Variants in WWOX observed in about 807,000 individuals in gnomAD.
WWOX encodes WW domain-containing oxidoreductase.
In WWOX, 69 loss-of-function variants were observed where a neutral mutation model predicts 46.2. The observed-to-expected ratio is 1.49, with a 90% CI of 1.23 to 1.82. The LOEUF (loss-of-function observed/expected upper bound fraction) is 1.82. Ranked by LOEUF, WWOX falls within the 40% of genes most tolerant of loss-of-function variation. WWOX has a pLI of 0.00. For synonymous variants in WWOX, 359 were observed against 202.6 expected (o/e 1.77, Z -6.56); for missense variants, 919 against 542.6 (o/e 1.69, Z -6.89).
At chr16:78,347,509 C>T (rs949266129) in intron 5 of WWOX, among the ~76,000 whole-genome samples, 1 of 117,980 alleles carries the variant, frequency 8.5e-6, no homozygotes, top group Admixed American at 8.4e-5. Flanking sequence ...CTCCTCGACA[C>T]CCACACCTCT....
chr16:78,762,739 A>G (rs984973342), intron 8 of WWOX, among the ~76,000 whole-genome samples: 3 of 152,164 alleles, frequency 2.0e-5, no homozygotes, highest in Non-Finnish European at 4.4e-5. Flanking sequence ...TCAAGTCCAA[A>G]TTCTACTACA....
At chr16:78,861,410 G>A (rs1003711365) in intron 8 of WWOX, among the ~76,000 whole-genome samples, 60 of 152,292 alleles carry the variant, frequency 3.9e-4, no homozygotes, top group African/African-American at 1.3e-3. Flanking sequence ...TTGACAGAGA[G>A]TATAATTAAA....
chr16:79,126,739 C>T (rs941838422), intron 8 of WWOX, among the ~76,000 whole-genome samples: 1 of 152,086 alleles, frequency 6.6e-6, no homozygotes, highest in Non-Finnish European at 1.5e-5. Flanking sequence ...CAGTGGTGGA[C>T]CCTGAAGGTT....
intron 8 of WWOX, among the ~76,000 whole-genome samples, chr16:78,590,166 T>TCTCTCTCTCTCTC (rs879699302): frequency 2.5e-5 from 1 of 39,310 alleles, no homozygotes; most frequent in African/African-American, 9.3e-5. Flanking sequence ...CTCTCTCTGT[T>TCTCTCTCTCTCTC]TATTATAGAT....
chr16:78,135,124 A>T (rs1261997071), intron 4 of WWOX, among the ~76,000 whole-genome samples: 4 of 152,230 alleles, frequency 2.6e-5, no homozygotes, highest in Non-Finnish European at 4.4e-5. Context: ...TTGCTGAGAA[A>T]TAGAGGATGC....
chr16:78,641,629 C>T (rs1024496909), intron 8 of WWOX, among the ~76,000 whole-genome samples: 6 of 152,048 alleles, frequency 3.9e-5, no homozygotes, highest in East Asian at 1.9e-4. Context: ...TGCAGATGCC[C>T]GGCTCGTGGT....
At chr16:78,629,825 A>C (rs1208181077) in intron 8 of WWOX, among the ~76,000 whole-genome samples, 1 of 152,206 alleles carries the variant, frequency 6.6e-6, no homozygotes, top group African/African-American at 2.4e-5. Context: ...GATTTTTAGA[A>C]ATAGAAAAAA....
At chr16:78,510,181 C>G (rs943892060) in intron 8 of WWOX, among the ~76,000 whole-genome samples, 1 of 152,106 alleles carries the variant, frequency 6.6e-6, no homozygotes, top group African/African-American at 2.4e-5. Context: ...AGTGATGTAT[C>G]AAAATATGTC....
intron 5 of WWOX, among the ~76,000 whole-genome samples, chr16:78,276,197 C>T (rs1044014998): frequency 6.6e-6 from 1 of 152,170 alleles, no homozygotes; most frequent in Admixed American, 6.5e-5. Flanking sequence ...GCTGGCTAAC[C>T]TCCTTCCTTT....
intron 5 of WWOX, among the ~76,000 whole-genome samples, chr16:78,170,998 G>T (rs2035138117): frequency 6.6e-6 from 1 of 152,158 alleles, no homozygotes. Flanking sequence ...TTATTTTGTG[G>T]GAGTGAAGGG....
chr16:79,064,514 C>A lies in WWOX; in HGVS notation c.1057-147094C>A, dbSNP rs541048422. ...GGGATTTGAGGCGTGTCTAGGAACG[C>A]AGATGTGGAGACACCTGGAGCATCT... On this transcript the variant is annotated intron_variant, in intron 8 of 8. Transcript: ENST00000566780. Among the ~76,000 whole-genome samples, 11 of 152,322 alleles carry A rather than the reference C, an allele frequency of 7.2e-5. 1 individual carries two copies. The highest frequency in any genetic ancestry group is 2.2e-4 in the African/African-American group (9 of 41,578).
intron 8 of WWOX, among the ~76,000 whole-genome samples, chr16:78,799,271 C>G (rs1027007624): frequency 6.6e-6 from 1 of 152,146 alleles, no homozygotes; most frequent in Non-Finnish European, 1.5e-5. Flanking sequence ...ACGGAGAGTT[C>G]ATGGGCAGGG....
intron 8 of WWOX, among the ~76,000 whole-genome samples, chr16:78,572,634 C>T (rs1482732089): frequency 1.5e-5 from 2 of 132,078 alleles, no homozygotes; most frequent in East Asian, 2.3e-4. Context: ...AAAGCATTTA[C>T]ATAGGAGAAT....
chr16:79,026,089 C>T (rs964324813), intron 8 of WWOX, among the ~76,000 whole-genome samples: 6 of 151,582 alleles, frequency 4.0e-5, no homozygotes, highest in Admixed American at 3.3e-4. Flanking sequence ...GCATGAGTCC[C>T]CATGCCCAGC....
intron 5 of WWOX, among the ~76,000 whole-genome samples, chr16:78,196,418 G>A (rs182419427): frequency 6.6e-6 from 1 of 152,196 alleles, no homozygotes; most frequent in East Asian, 1.9e-4. Flanking sequence ...TTTAACCAAG[G>A]CTCCTTTTGC....
At chr16:78,241,214 G>A (rs1473934241) in intron 5 of WWOX, 7 of 152,164 alleles carry the variant, frequency 4.6e-5, no homozygotes, top group African/African-American at 1.4e-4. Context: ...AGTGGATTCG[G>A]TGTGCCGTCA....
intron 8 of WWOX, among the ~76,000 whole-genome samples, chr16:78,445,985 G>C: frequency 6.6e-6 from 1 of 152,154 alleles, no homozygotes; most frequent in East Asian, 1.9e-4. Flanking sequence ...TGTGGAATTT[G>C]GCTGAAATAG....
intron 4 of WWOX, among the ~76,000 whole-genome samples, chr16:78,129,088 G>C (rs974156540): frequency 1.3e-5 from 2 of 152,172 alleles, no homozygotes; most frequent in Non-Finnish European, 2.9e-5. Flanking sequence ...CATCCTTTCA[G>C]CCTGAAAAGC....
chr16:78,389,496 C>A (rs1010345532), intron 6 of WWOX, among the ~76,000 whole-genome samples: 2 of 152,112 alleles, frequency 1.3e-5, no homozygotes. Context: ...AGAACAGCAG[C>A]GGAGTCAGCA....
Sources: gnomAD v4.1 joint callset for allele counts (sites outside exome capture counted in the v4.1 genomes callset) on GRCh38, gnomAD v4.1.1 for gene constraint, MANE v1.5 for transcripts, NCBI Gene and HGNC (gene_info 2026-07-23, HGNC 2026-07-21) for gene names.